The following TCF4 variants were observed in gnomAD, a reference collection of about 807,000 sequenced individuals.
The protein encoded by TCF4 is SL3-3 enhancer factor 2.
Under a neutral mutation model 82.1 loss-of-function variants are expected in TCF4, and 3 were observed. That is an observed-to-expected ratio of 0.04 (90% CI 0.02 to 0.09). The LOEUF is 0.09. Ranked by LOEUF, TCF4 falls within the 10% of genes least tolerant of loss-of-function variation. The pLI is 1.00. For synonymous variants in TCF4, 276 were observed against 309.6 expected, an observed-to-expected ratio of 0.89 and a Z score of 1.14; for missense variants, 518 against 852.7, an observed-to-expected ratio of 0.61 and a Z score of 4.89.
intron 6 of TCF4, chr18:55,402,126 T>G (rs2093856150): frequency 2.0e-6 from 2 of 985,280 alleles, no homozygotes; most frequent in East Asian, 1.1e-4. Context: ...CCAAACAAAC[T>G]GCCATGAACT....
chr18:55,528,933 T>C lies in TCF4; in HGVS notation c.145+56347A>G, dbSNP rs145149668. ...TGGCTCATGCCTATAATCCCAGTAC[T>C]TCGGGAGGCCAAGGTGCGTGGGTCA... On this transcript the variant is annotated intron_variant, in intron 3 of 19. Transcript: ENST00000354452. 2.6e-3 allele frequency among the ~76,000 whole-genome samples: 399 copies of C among 152,292 alleles called. 1 individual carries two copies. Among genetic ancestry groups the C allele is most frequent in the African/African-American group, 8.5e-3 (352 of 41,564 alleles).
At chr18:55,534,504 G>A (rs915006888) in intron 3 of TCF4, among the ~76,000 whole-genome samples, 2 of 152,188 alleles carry the variant, frequency 1.3e-5, no homozygotes, top group Non-Finnish European at 2.9e-5. Context: ...TCCCCTGTCT[G>A]CACTCATCAA....
At chr18:55,559,135 A>G (rs2097332556) in intron 3 of TCF4, among the ~76,000 whole-genome samples, 1 of 149,454 alleles carries the variant, frequency 6.7e-6, no homozygotes, top group African/African-American at 2.5e-5. Context: ...GCCAACTAGA[A>G]CACGTTCCCC....
chr18:55,275,825 T>C, intron 9 of TCF4, 73 bp from the exon 10 acceptor site: 1 of 1,583,360 alleles, frequency 6.3e-7, no homozygotes, highest in South Asian at 1.1e-5. Flanking sequence ...TTTTTTCATA[T>C]ACTTGAAAAT....
intron 8 of TCF4, among the ~76,000 whole-genome samples, chr18:55,301,442 C>T (rs2068240891): frequency 6.6e-6 from 1 of 152,098 alleles, no homozygotes; most frequent in African/African-American, 2.4e-5. Flanking sequence ...TTTCACAAAC[C>T]AAGGCTCATT....
chr18:55,479,049 A>T (rs1031459261), intron 3 of TCF4, among the ~76,000 whole-genome samples: 4 of 151,778 alleles, frequency 2.6e-5, no homozygotes, highest in Non-Finnish European at 5.9e-5. Flanking sequence ...TTGCATTAAC[A>T]TTTTCCCTTT....
At chr18:55,397,026 A>C (rs1430682344) in intron 6 of TCF4, among the ~76,000 whole-genome samples, 2 of 152,204 alleles carry the variant, frequency 1.3e-5, no homozygotes, top group Non-Finnish European at 2.9e-5. Context: ...ATGTGTGCTA[A>C]AACTATTAGG....
At chr18:55,624,811 C>T (rs948167206) in intron 2 of TCF4, among the ~76,000 whole-genome samples, 1 of 152,106 alleles carries the variant, frequency 6.6e-6, no homozygotes, top group African/African-American at 2.4e-5. Flanking sequence ...GCACTTTGTC[C>T]CTATGTCAGG....
intron 2 of TCF4, among the ~76,000 whole-genome samples, chr18:55,617,175 G>A (rs999532410): frequency 6.6e-6 from 1 of 151,988 alleles, no homozygotes; most frequent in Non-Finnish European, 1.5e-5. Context: ...CAGTTTTCTC[G>A]ACATCATTTG....
intron 3 of TCF4, among the ~76,000 whole-genome samples, chr18:55,499,112 T>C (rs1272229300): frequency 6.6e-6 from 1 of 152,202 alleles, no homozygotes; most frequent in African/African-American, 2.4e-5. Flanking sequence ...GGCACCCATT[T>C]AATATCACAA....
chr18:55,417,343 C>T (rs1203928211), intron 5 of TCF4, among the ~76,000 whole-genome samples: 1 of 152,128 alleles, frequency 6.6e-6, no homozygotes, highest in East Asian at 1.9e-4. Flanking sequence ...AAAACGTCTT[C>T]AAGACAAATG....
At chr18:55,411,476 GA>G (rs1157783826) in intron 5 of TCF4, among the ~76,000 whole-genome samples, 8 of 152,122 alleles carry the variant, frequency 5.3e-5, no homozygotes, top group South Asian at 4.1e-4. Flanking sequence ...ATATAAAAAT[GA>G]AAAAAAGCTC....
chr18:55,332,313 A>G (rs1030756091), intron 8 of TCF4: 1 of 118,020 alleles, frequency 8.5e-6, no homozygotes, highest in Non-Finnish European at 1.6e-5. Context: ...GATTTGAGGC[A>G]GTACAGAAAA....
intron 8 of TCF4, among the ~76,000 whole-genome samples, chr18:55,339,863 A>G (rs1262191561): frequency 2.0e-5 from 3 of 152,216 alleles, no homozygotes; most frequent in Non-Finnish European, 1.5e-5. Flanking sequence ...AAAGGCTACA[A>G]TCTAGCCATT....
chr18:55,481,027 A>T (rs1008526320), intron 3 of TCF4, among the ~76,000 whole-genome samples: 1 of 147,768 alleles, frequency 6.8e-6, no homozygotes, highest in Non-Finnish European at 1.5e-5. Context: ...TCACTTGAAC[A>T]TGGAAGGCGG....
At chr18:55,363,367 A>C (rs1212949647) in intron 6 of TCF4, among the ~76,000 whole-genome samples, 1 of 152,236 alleles carries the variant, frequency 6.6e-6, no homozygotes, top group Non-Finnish European at 1.5e-5. Flanking sequence ...CTTCATACTA[A>C]AATATGTTTA....
intron 8 of TCF4, among the ~76,000 whole-genome samples, chr18:55,334,696 C>T (rs2078279948): frequency 6.6e-6 from 1 of 152,076 alleles, no homozygotes; most frequent in Admixed American, 6.6e-5. Flanking sequence ...TATTACTGGG[C>T]CAACCTGGAA....
intron 2 of TCF4, among the ~76,000 whole-genome samples, chr18:55,598,931 C>A (rs1049046105): frequency 1.3e-5 from 2 of 152,196 alleles, no homozygotes; most frequent in African/African-American, 4.8e-5. Flanking sequence ...CTTTTGTTTG[C>A]CTCTAGACGG....
intron 6 of TCF4, among the ~76,000 whole-genome samples, chr18:55,382,914 T>A (rs970359403): frequency 6.6e-6 from 1 of 152,226 alleles, no homozygotes; most frequent in African/African-American, 2.4e-5. Context: ...AGGAATCTCA[T>A]ACACTATATA....
Sources: gnomAD v4.1 joint callset for allele counts (sites outside exome capture counted in the v4.1 genomes callset) on GRCh38, gnomAD v4.1.1 for gene constraint, MANE v1.5 for transcripts, NCBI Gene and HGNC (gene_info 2026-07-23, HGNC 2026-07-21) for gene names.